Variants in ACTR3 observed in about 807,000 individuals in gnomAD.
The protein encoded by ACTR3 is actin related protein 3.
A neutral mutation model predicts 56.8 loss-of-function variants in ACTR3; 12 were observed. The observed-to-expected ratio is 0.21, with a 90% CI of 0.14 to 0.34. The LOEUF (loss-of-function observed/expected upper bound fraction) is 0.34, where lower values mean the gene tolerates loss of function less well. Ranked by LOEUF, ACTR3 falls within the 10% of genes least tolerant of loss-of-function variation. ACTR3 has a pLI of 1.00. For missense variants in ACTR3, 282 were observed against 512.5 expected, an observed-to-expected ratio of 0.55 and a Z score of 4.34; for synonymous variants, 162 against 167.4, an observed-to-expected ratio of 0.97 and a Z score of 0.25.
chr2:113,895,361 A>T (rs1298280541), intron 1 of ACTR3, among the ~76,000 whole-genome samples: 4 of 152,204 alleles, frequency 2.6e-5, no homozygotes, highest in Non-Finnish European at 5.9e-5. Context: ...GAGCCACTAC[A>T]CTAGATCTTC....
intron 8 of ACTR3, among the ~76,000 whole-genome samples, chr2:113,949,392 AAG>A (rs1553498038): frequency 1.5e-5 from 2 of 135,666 alleles, no homozygotes; most frequent in African/African-American, 7.1e-5. Flanking sequence ...AAAAAAAAAA[AAG>A]AAAAAAAAAA....
intron 3 of ACTR3, among the ~76,000 whole-genome samples, chr2:113,919,915 A>T (rs1472456913): frequency 6.6e-6 from 1 of 151,902 alleles, no homozygotes; most frequent in African/African-American, 2.4e-5. Context: ...TGCTTCGCTA[A>T]TTTATTTTAT....
At chr2:113,890,728 C>G (rs953681535) in intron 1 of ACTR3, 4 of 1,063,252 alleles carry the variant, frequency 3.8e-6, no homozygotes, top group Non-Finnish European at 4.5e-6. Context: ...ACCCAGGGGC[C>G]GAGCTCGGGG....
At position 113,961,513 on chromosome 2, in the gene ACTR3, T is replaced by C. The variant is rs1430322022; in HGVS notation, c.*4058T>C. ...TTTCTAGTGTTCTGTCAATTTTTGG[T>C]GACTTTTATAATTACATTAAAACTA... On this transcript the variant is annotated 3_prime_UTR_variant, in exon 12 of 12. Coordinates refer to ENST00000263238, the MANE Select transcript of ACTR3 (RefSeq NM_005721.5). The C allele has an allele frequency of 6.6e-6, 1 of 152,036 alleles. No individual in the cohort carries two copies. The highest frequency in any genetic ancestry group is 6.6e-5 in the Admixed American group (1 of 15,238). The allele number at this position is 152,036 out of a possible 1,614,324, so 9.4% of individuals were successfully genotyped here. A position where few individuals can be genotyped will look rare whatever the true frequency, so the allele number is the denominator to read the frequency against.
At chr2:113,921,232 G>C (rs935662099) in intron 3 of ACTR3, among the ~76,000 whole-genome samples, 1 of 149,860 alleles carries the variant, frequency 6.7e-6, no homozygotes, top group South Asian at 2.1e-4. Flanking sequence ...CATGTTGGAC[G>C]TTTTTTTCAT....
In ACTR3 at chr2:113,908,913, C is replaced by G. The variant is rs1679253062; in HGVS notation, c.45-4259C>G. Among the ~76,000 whole-genome samples the G allele has an allele frequency of 3.9e-5, 6 of 152,114 alleles. No individual in the cohort carries two copies. In the South Asian group the frequency reaches 1.2e-3, roughly 32 times the overall value. Reference sequence around the variant, plus strand: ...TTTTTTGAGACAGGAACCAAATTAGCTTTTAGAGTCTAAGCAACTTATGAA... The same window carrying G: ...TTTTTTGAGACAGGAACCAAATTAGGTTTTAGAGTCTAAGCAACTTATGAA... On this transcript the variant is annotated intron_variant, in intron 1 of 11. Transcript: ENST00000263238.
chr2:113,922,189 G>C (rs1679523831), intron 3 of ACTR3, among the ~76,000 whole-genome samples: 1 of 152,166 alleles, frequency 6.6e-6, no homozygotes, highest in African/African-American at 2.4e-5. Flanking sequence ...TTGTGATTGG[G>C]AGGGAGAGAG....
At chr2:113,952,679 A>T (rs1258568497) in intron 10 of ACTR3, 1 of 152,186 alleles carries the variant, frequency 6.6e-6, no homozygotes, top group Non-Finnish European at 1.5e-5. Flanking sequence ...GATTATCTTG[A>T]GTAAACCTAT....
chr2:113,901,592 A>G (rs1443396134), intron 1 of ACTR3, among the ~76,000 whole-genome samples: 1 of 152,184 alleles, frequency 6.6e-6, no homozygotes, highest in Non-Finnish European at 1.5e-5. Context: ...ATTAAGATAG[A>G]ATTATTTGAA....
At chr2:113,955,777 C>T (rs374760170) in intron 11 of ACTR3, 71 bp downstream of exon 11, 48 of 1,272,208 alleles carry the variant, frequency 3.8e-5, no homozygotes, top group Admixed American at 1.8e-4. Flanking sequence ...GGTGGACTTT[C>T]GCTCTTGTCA....
chr2:113,942,338 T>G lies in ACTR3; in HGVS notation c.837T>G (p.Pro279=). 4 of 1,576,232 alleles carry G rather than the reference T, an allele frequency of 2.5e-6. No homozygotes were observed. The highest frequency in any genetic ancestry group is 3.4e-6 in the Non-Finnish European group (4 of 1,166,544). Residue 279 remains proline, a synonymous_variant, in exon 8 of 12, where the codon CCT becomes CCG. Transcript: ENST00000263238. The part of the protein sequence containing the change: ...IDVGYERFLG[P]EIFFHPEFAN... ...TTGGTTATGAGAGATTTTTGGGACC[T>G]GAAATCTTTTTTCATCCAGAGGTAA...
At chr2:113,947,851 C>G (rs1270217747) in intron 8 of ACTR3, among the ~76,000 whole-genome samples, 3 of 152,056 alleles carry the variant, frequency 2.0e-5, no homozygotes, top group Non-Finnish European at 4.4e-5. Flanking sequence ...TTTCTGTTGT[C>G]TATAGCTTTA....
Position 113,961,860 on chromosome 2 carries a change from A to G in ACTR3, c.*4405A>G, listed in dbSNP as rs963914667. On this transcript the variant is annotated 3_prime_UTR_variant, in exon 12 of 12. Coordinates refer to ENST00000263238, the MANE Select transcript of ACTR3 (RefSeq NM_005721.5). The stretch of plus-strand genomic sequence containing the variant: ...GCTATGTAAGGTGAAAGTGGGGCTT[A>G]TAAAAGTGGATCTATTGTTTAAAAA... The G allele has an allele frequency of 1.3e-5, 2 of 152,000 alleles. No homozygotes were observed. The highest frequency in any genetic ancestry group is 2.4e-5 in the African/African-American group (1 of 41,446). 9.4% of individuals were successfully genotyped at this position (152,000 alleles called of 1,614,324 possible). A position where few individuals can be genotyped will look rare whatever the true frequency, so the allele number is the denominator to read the frequency against.
chr2:113,925,026 A>G (rs1679590522), intron 3 of ACTR3, among the ~76,000 whole-genome samples: 1 of 151,064 alleles, frequency 6.6e-6, no homozygotes, highest in Admixed American at 6.6e-5. Flanking sequence ...CCTCCCCAGT[A>G]GCTGGGATTA....
chr2:113,896,654 G>A (rs1054650269), intron 1 of ACTR3, among the ~76,000 whole-genome samples: 12 of 152,332 alleles, frequency 7.9e-5, no homozygotes, highest in African/African-American at 2.4e-4. Flanking sequence ...TTTGTTAACT[G>A]AAGCTAATAA....
At chr2:113,929,764 C>A (rs987177406) in intron 4 of ACTR3, among the ~76,000 whole-genome samples, 1 of 152,030 alleles carries the variant, frequency 6.6e-6, no homozygotes, top group African/African-American at 2.4e-5. Context: ...GAAACCTCCC[C>A]GCCTCCCAGG....
At chr2:113,915,237 C>G (rs1679382296) in intron 2 of ACTR3, among the ~76,000 whole-genome samples, 1 of 152,180 alleles carries the variant, frequency 6.6e-6, no homozygotes, top group African/African-American at 2.4e-5. Context: ...ATCAATGCGT[C>G]AGCAGGGTCA....
Position 113,962,314 on chromosome 2 carries a change from A to G in ACTR3, c.*4859A>G, listed in dbSNP as rs1209891515. On this transcript the variant is annotated 3_prime_UTR_variant, in exon 12 of 12. Coordinates refer to ENST00000263238, the MANE Select transcript of ACTR3 (RefSeq NM_005721.5). ...TAAATGATCACAGGCTCTAAATCAG[A>G]TTGTTGTACAAGGTAATTGACATGT... 2 of 151,948 alleles carry G rather than the reference A, an allele frequency of 1.3e-5. No individual in the cohort carries two copies. The highest frequency in any genetic ancestry group is 2.9e-5 in the Non-Finnish European group (2 of 67,890). 9.4% of individuals were successfully genotyped at this position (151,948 alleles called of 1,614,324 possible). A position where few individuals can be genotyped will look rare whatever the true frequency, so the allele number is the denominator to read the frequency against.
At chr2:113,943,833 C>G (rs1407826690) in intron 8 of ACTR3, among the ~76,000 whole-genome samples, 1 of 152,104 alleles carries the variant, frequency 6.6e-6, no homozygotes, top group Non-Finnish European at 1.5e-5. Context: ...AAAACAAACA[C>G]TTGGGTGTTG....
Sources: gnomAD v4.1 joint callset for allele counts (sites outside exome capture counted in the v4.1 genomes callset) on GRCh38, gnomAD v4.1.1 for gene constraint, MANE v1.5 for transcripts, NCBI Gene and HGNC (gene_info 2026-07-23, HGNC 2026-07-21) for gene names.